The following EPHA3 variants were observed in gnomAD, a reference collection of about 807,000 sequenced individuals.
EPHA3 encodes the protein ephrin type-A receptor 3.
In EPHA3, 42 loss-of-function variants were observed where a neutral mutation model predicts 107.1. That is an observed-to-expected ratio of 0.39 (90% CI 0.31 to 0.51). The LOEUF (loss-of-function observed/expected upper bound fraction) is 0.51. Among genes scored for constraint, EPHA3 ranks in the 20% least tolerant of loss-of-function variants. The pLI, the probability that EPHA3 is intolerant of heterozygous loss-of-function variation, is 0.78. For synonymous variants in EPHA3, 461 were observed against 424.8 expected (o/e 1.09, Z -1.05); for missense variants, 1,183 against 1,211.2 (o/e 0.98, Z 0.35).
At chr3:89,386,013 A>T (rs1203506005) in intron 5 of EPHA3, among the ~76,000 whole-genome samples, 2 of 152,224 alleles carry the variant, frequency 1.3e-5, no homozygotes, top group Non-Finnish European at 2.9e-5. Context: ...CCTGCCCTCG[A>T]GATCAGCAGA....
chr3:89,321,148 G>C (rs1707034517), intron 3 of EPHA3, among the ~76,000 whole-genome samples: 1 of 151,954 alleles, frequency 6.6e-6, no homozygotes, highest in Non-Finnish European at 1.5e-5. Flanking sequence ...ACTGACCCAG[G>C]AACAATTTGT....
At chr3:89,269,144 A>G (rs1157634894) in intron 3 of EPHA3, among the ~76,000 whole-genome samples, 1 of 152,184 alleles carries the variant, frequency 6.6e-6, no homozygotes, top group African/African-American at 2.4e-5. Context: ...ATCATGTGCA[A>G]GACCCAGTTT....
intron 15 of EPHA3, among the ~76,000 whole-genome samples, chr3:89,467,795 A>C (rs1319799279): frequency 6.6e-6 from 1 of 152,218 alleles, no homozygotes; most frequent in Non-Finnish European, 1.5e-5. Flanking sequence ...CCCTGAGCAA[A>C]TATGTAATTT....
intron 3 of EPHA3, among the ~76,000 whole-genome samples, chr3:89,334,954 GT>G (rs1707361918): frequency 6.6e-6 from 1 of 152,184 alleles, no homozygotes; most frequent in Non-Finnish European, 1.5e-5. Flanking sequence ...AAATTGCTTA[GT>G]GAAGATAACA....
chr3:89,296,333 A>AG (rs1384473023), intron 3 of EPHA3, among the ~76,000 whole-genome samples: 1 of 152,230 alleles, frequency 6.6e-6, no homozygotes, highest in Non-Finnish European at 1.5e-5. Context: ...ACAATAAGAC[A>AG]GGAAAGTCAA....
intron 5 of EPHA3, among the ~76,000 whole-genome samples, chr3:89,374,124 A>C (rs574721859): frequency 1.3e-5 from 2 of 152,064 alleles, no homozygotes; most frequent in African/African-American, 4.8e-5. Context: ...GTTCAGTAAG[A>C]TATTTTCTTG....
intron 1 of EPHA3, among the ~76,000 whole-genome samples, chr3:89,111,082 G>T (rs1476427053): frequency 6.6e-6 from 1 of 151,624 alleles, no homozygotes; most frequent in Non-Finnish European, 1.5e-5. Context: ...CTTTTTTAAA[G>T]ACTTTTTTTA....
chr3:89,417,549 T>C (rs1168745398), intron 10 of EPHA3, among the ~76,000 whole-genome samples: 1 of 151,436 alleles, frequency 6.6e-6, no homozygotes, highest in Non-Finnish European at 1.5e-5. Flanking sequence ...CTTACTCTTG[T>C]TTACAATTCT....
intron 2 of EPHA3, 66 bp from the exon 3 acceptor site, chr3:89,209,793 AC>A: frequency 1.5e-6 from 2 of 1,323,780 alleles, no homozygotes; most frequent in Non-Finnish European, 2.1e-6. Flanking sequence ...TGGCTCTGAC[AC>A]CCTTATGTTG....
intron 3 of EPHA3, among the ~76,000 whole-genome samples, chr3:89,236,472 G>A (rs1704763770): frequency 6.6e-6 from 1 of 150,706 alleles, no homozygotes; most frequent in Non-Finnish European, 1.5e-5. Flanking sequence ...AATAACAAAT[G>A]ACATTAAAAC....
chr3:89,219,688 G>GTGTTTTTTTTTGTTGTTTTTTTTTTTTT, intron 3 of EPHA3, among the ~76,000 whole-genome samples: 1 of 34,440 alleles, frequency 2.9e-5, no homozygotes, highest in Non-Finnish European at 5.2e-5. Context: ...ATTTGGCAAT[G>GTGTTTTTTTTTGTTGTTTTTTTTTTTTT]TTTTTTTTTT....
intron 5 of EPHA3, among the ~76,000 whole-genome samples, chr3:89,366,759 CA>C (rs1708191706): frequency 6.6e-6 from 1 of 150,648 alleles, no homozygotes; most frequent in Non-Finnish European, 1.5e-5. Flanking sequence ...TTTGCCCTCT[CA>C]CTTAGTCCTC....
In EPHA3 at chr3:89,395,604, C is replaced by T. The variant is rs190656907; in HGVS notation, c.1307-233C>T. 6.8e-3 allele frequency among the ~76,000 whole-genome samples: 1,042 copies of T among 152,266 alleles called. 7 individuals are homozygous for T. The highest frequency in any genetic ancestry group is 0.02 in the Middle Eastern group (6 of 294). ...CCACCAGCAGCAGAGAATCTCAGCA[C>T]ATTTTCCCTAGGCCTGCATGTACCA... is the stretch of plus-strand genomic sequence containing the variant. On this transcript the variant is annotated intron_variant, in intron 5 of 16. Transcript: ENST00000336596.
Position 89,167,099 on chromosome 3 carries a change from G to GA in EPHA3, c.153+39834dup, listed in dbSNP as rs1307292667. Among the ~76,000 whole-genome samples, 5 of 151,560 alleles carry GA rather than the reference G, an allele frequency of 3.3e-5. No individual in the cohort carries two copies. The South Asian group carries it at 6.2e-4, about 19-fold the overall frequency. ...TCATGGTCTAAAAGTCAATGACCTG[G>GA]AAAAAAAATGATGAAAACTAATTTG... On this transcript the variant is annotated intron_variant, in intron 2 of 16. Transcript: ENST00000336596.
intron 15 of EPHA3, among the ~76,000 whole-genome samples, chr3:89,451,994 AT>A (rs1361223918): frequency 2.0e-5 from 3 of 152,054 alleles, no homozygotes; most frequent in African/African-American, 7.2e-5. Flanking sequence ...TGTGAAAAAA[AT>A]CAATCATATT....
Position 89,390,327 on chromosome 3 carries a change from G to A in EPHA3, c.1307-5510G>A, listed in dbSNP as rs144618397. ...TAAGAGTGGTACTTTGGCCGGGTGT[G>A]GTGGCTCATGCCTGTAATGCTAGCA... is the stretch of plus-strand genomic sequence containing the variant. On this transcript the variant is annotated intron_variant, in intron 5 of 16. Coordinates refer to ENST00000336596, the MANE Select transcript of EPHA3 (RefSeq NM_005233.6). 1.7e-3 allele frequency among the ~76,000 whole-genome samples: 260 copies of A among 152,230 alleles called. 1 individual carries two copies. Among genetic ancestry groups the A allele is most frequent in the Non-Finnish European group, 3.1e-3 (210 of 68,020 alleles).
At chr3:89,312,708 T>A (rs920660668) in intron 3 of EPHA3, among the ~76,000 whole-genome samples, 1 of 152,090 alleles carries the variant, frequency 6.6e-6, no homozygotes, top group Non-Finnish European at 1.5e-5. Flanking sequence ...ATCCATTAGT[T>A]ATTTTTTCTG....
chr3:89,448,066 G>C (rs1709912159), intron 13 of EPHA3, among the ~76,000 whole-genome samples: 1 of 151,836 alleles, frequency 6.6e-6, no homozygotes, highest in South Asian at 2.1e-4. Flanking sequence ...TTGAAATTGA[G>C]GTCACTTAAT....
chr3:89,196,019 C>A (rs1280975676), intron 2 of EPHA3, among the ~76,000 whole-genome samples: 1 of 152,034 alleles, frequency 6.6e-6, no homozygotes, highest in African/African-American at 2.4e-5. Context: ...AACTCTTCAA[C>A]CCTTCCCCTT....
Sources: gnomAD v4.1 joint callset for allele counts (sites outside exome capture counted in the v4.1 genomes callset) on GRCh38, gnomAD v4.1.1 for gene constraint, MANE v1.5 for transcripts, NCBI Gene and HGNC (gene_info 2026-07-23, HGNC 2026-07-21) for gene names.